ZNF804B: variants seen among roughly 807,000 people sequenced by gnomAD.
The protein encoded by ZNF804B is zinc finger 804B.
In ZNF804B, 80 loss-of-function variants were observed where a neutral mutation model predicts 101.4. That is an observed-to-expected ratio of 0.79 (90% CI 0.66 to 0.95). ZNF804B has a LOEUF of 0.95. Ranked by LOEUF, ZNF804B falls within the 40% of genes least tolerant of loss-of-function variation. ZNF804B has a pLI of 0.00. For synonymous variants in ZNF804B, 622 were observed against 558.8 expected (o/e 1.11, Z -1.59); for missense variants, 1,673 against 1,561.9 (o/e 1.07, Z -1.20).
At position 89,006,942 on chromosome 7, in the gene ZNF804B, C is replaced by T. The variant is rs184373475; in HGVS notation, c.109-211213C>T. Reference sequence around the variant, plus strand: ...TCTTCATGACAGGGTCAATACTGCACTGGGCAGGTGGCTTGACCAGCAGAT... The same window carrying T: ...TCTTCATGACAGGGTCAATACTGCATTGGGCAGGTGGCTTGACCAGCAGAT... On this transcript the variant is annotated intron_variant, in intron 1 of 3. Transcript: ENST00000333190. Among the ~76,000 whole-genome samples, 31 of 152,266 alleles carry T rather than the reference C, an allele frequency of 2.0e-4. No homozygotes were observed. In the East Asian group the frequency reaches 6.0e-3, roughly 29 times the overall value.
At chr7:89,228,512 T>G (rs1464866318) in intron 2 of ZNF804B, among the ~76,000 whole-genome samples, 2 of 151,826 alleles carry the variant, frequency 1.3e-5, no homozygotes, top group Non-Finnish European at 2.9e-5. Flanking sequence ...GTTCTCCAAG[T>G]CCCTACCAGA....
chr7:89,120,912 T>C (rs1790394623), intron 1 of ZNF804B, among the ~76,000 whole-genome samples: 1 of 152,208 alleles, frequency 6.6e-6, no homozygotes, highest in Non-Finnish European at 1.5e-5. Context: ...CTGAGACAGA[T>C]ACTTGAGAAG....
At chr7:89,146,207 A>G (rs1023307201) in intron 1 of ZNF804B, among the ~76,000 whole-genome samples, 2 of 152,110 alleles carry the variant, frequency 1.3e-5, no homozygotes, top group Non-Finnish European at 1.5e-5. Context: ...ATCAATGAAC[A>G]TTTATAAGTA....
At chr7:88,852,337 A>G (rs1044001234) in intron 1 of ZNF804B, among the ~76,000 whole-genome samples, 7 of 152,084 alleles carry the variant, frequency 4.6e-5, no homozygotes, top group African/African-American at 1.4e-4. Context: ...TCGTTTGAGG[A>G]TATTTTACTG....
chr7:89,092,310 C>T (rs138370989), intron 1 of ZNF804B, among the ~76,000 whole-genome samples: 3 of 151,568 alleles, frequency 2.0e-5, no homozygotes, highest in East Asian at 3.9e-4. Context: ...AACATTTCAA[C>T]ATATGAATTT....
chr7:89,237,943 T>C (rs960263103), intron 2 of ZNF804B, among the ~76,000 whole-genome samples: 2 of 152,164 alleles, frequency 1.3e-5, no homozygotes, highest in African/African-American at 4.8e-5. Flanking sequence ...GAAGAAACTG[T>C]TAATTGACAA....
intron 1 of ZNF804B, among the ~76,000 whole-genome samples, chr7:88,969,599 T>C (rs1229293801): frequency 1.3e-5 from 2 of 151,654 alleles, no homozygotes; most frequent in Admixed American, 1.3e-4. Context: ...GGACAAACTG[T>C]TTACTTCTAA....
intron 1 of ZNF804B, among the ~76,000 whole-genome samples, chr7:88,873,302 C>T (rs762350483): frequency 9.2e-5 from 14 of 152,146 alleles, no homozygotes; most frequent in Non-Finnish European, 1.8e-4. Flanking sequence ...CCTTTGCACA[C>T]TTTTTGATGG....
At chr7:89,108,771 T>C (rs533349061) in intron 1 of ZNF804B, among the ~76,000 whole-genome samples, 1 of 152,114 alleles carries the variant, frequency 6.6e-6, no homozygotes, top group African/African-American at 2.4e-5. Flanking sequence ...AGAGAAGAAA[T>C]GACTGAAGAT....
intron 1 of ZNF804B, among the ~76,000 whole-genome samples, chr7:89,163,966 A>G (rs1313715418): frequency 6.6e-6 from 1 of 151,212 alleles, no homozygotes; most frequent in Admixed American, 6.6e-5. Flanking sequence ...ATAAGCTGAT[A>G]TTTTTACGCA....
At chr7:88,948,754 T>C (rs186389914) in intron 1 of ZNF804B, among the ~76,000 whole-genome samples, 1 of 151,852 alleles carries the variant, frequency 6.6e-6, no homozygotes, top group African/African-American at 2.4e-5. Context: ...ACCACCGAAG[T>C]GACATTATCT....
chr7:88,764,432 C>T (rs185144619), intron 1 of ZNF804B, among the ~76,000 whole-genome samples: 18 of 152,114 alleles, frequency 1.2e-4, no homozygotes, highest in African/African-American at 3.9e-4. Flanking sequence ...AAATCAGGGT[C>T]GCTGAATGTT....
At chr7:88,998,139 C>A (rs1248423002) in intron 1 of ZNF804B, among the ~76,000 whole-genome samples, 1 of 152,024 alleles carries the variant, frequency 6.6e-6, no homozygotes, top group African/African-American at 2.4e-5. Context: ...TCTCACTTCC[C>A]TGCTGTCTCC....
intron 2 of ZNF804B, among the ~76,000 whole-genome samples, chr7:89,319,539 T>C (rs1790786772): frequency 1.3e-5 from 2 of 152,162 alleles, no homozygotes; most frequent in South Asian, 4.1e-4. Flanking sequence ...ATAGCTCTAC[T>C]CCTGTGTCCA....
intron 2 of ZNF804B, among the ~76,000 whole-genome samples, chr7:89,268,521 C>G (rs1293325847): frequency 6.6e-6 from 1 of 151,762 alleles, no homozygotes; most frequent in African/African-American, 2.4e-5. Context: ...CTGCAGTCTT[C>G]ATTCTTTTCT....
At chr7:89,022,747 C>T (rs899471712) in intron 1 of ZNF804B, among the ~76,000 whole-genome samples, 4 of 152,016 alleles carry the variant, frequency 2.6e-5, no homozygotes, top group African/African-American at 7.3e-5. Flanking sequence ...TTTTGCTTAT[C>T]GATGAAAGAG....
At chr7:89,332,482 A>G (rs1205712874) in intron 3 of ZNF804B, among the ~76,000 whole-genome samples, 1 of 151,872 alleles carries the variant, frequency 6.6e-6, no homozygotes, top group Non-Finnish European at 1.5e-5. Context: ...AAAGCAAACA[A>G]TAAGAAAAAT....
chr7:89,061,221 A>G (rs959805523), intron 1 of ZNF804B, among the ~76,000 whole-genome samples: 4 of 152,098 alleles, frequency 2.6e-5, no homozygotes, highest in Admixed American at 6.6e-5. Context: ...GTGTTTGCAT[A>G]TTATTCTCAA....
chr7:89,109,174 A>G (rs572757368), intron 1 of ZNF804B, among the ~76,000 whole-genome samples: 1 of 152,302 alleles, frequency 6.6e-6, no homozygotes, highest in African/African-American at 2.4e-5. Flanking sequence ...ATGGCAAATG[A>G]TTTGACAACA....
Sources: allele counts gnomAD v4.1 joint callset (sites outside exome capture counted in the v4.1 genomes callset), GRCh38; gene constraint gnomAD v4.1.1; transcripts MANE v1.5; gene names NCBI Gene and HGNC (gene_info 2026-07-23, HGNC 2026-07-21).